Variants in LINGO2 observed in about 807,000 individuals in gnomAD.
LINGO2 encodes leucine rich repeat and Ig domain containing 2, also known as leucine-rich repeat and immunoglobulin-like domain-containing nogo receptor-interacting protein 2.
Under a neutral mutation model 30.6 loss-of-function variants are expected in LINGO2, and 14 were observed. The ratio of observed to expected loss-of-function variants is 0.46; its 90% CI spans 0.30 to 0.72. The LOEUF (loss-of-function observed/expected upper bound fraction) is 0.72, where lower values mean the gene tolerates loss of function less well. Ranked by LOEUF, LINGO2 falls within the 30% of genes least tolerant of loss-of-function variation. The pLI is 0.07. For synonymous variants in LINGO2, 317 were observed against 288.5 expected (o/e 1.10, Z -1.00); for missense variants, 729 against 751.7 (o/e 0.97, Z 0.35).
the LINGO2 span, among the ~76,000 whole-genome samples, chr9:29,193,944 C>T: frequency 6.6e-6 from 1 of 152,128 alleles, no homozygotes; most frequent in Non-Finnish European, 1.5e-5. Flanking sequence ...CTAGGCTACC[C>T]CTCAAATCAC....
At chr9:28,750,656 CTGTT>C in the LINGO2 span, among the ~76,000 whole-genome samples, 4 of 151,946 alleles carry the variant, frequency 2.6e-5, no homozygotes, top group Non-Finnish European at 4.4e-5. Context: ...TTGTGTCTAA[CTGTT>C]TATATACTCT....
the LINGO2 span, among the ~76,000 whole-genome samples, chr9:29,112,449 T>C: frequency 6.6e-6 from 1 of 152,122 alleles, no homozygotes; most frequent in African/African-American, 2.4e-5. Context: ...CCATGAATAA[T>C]AAATGAAGAA....
chr9:28,637,221 G>A (rs1827324377), intron 1 of LINGO2, among the ~76,000 whole-genome samples: 1 of 152,118 alleles, frequency 6.6e-6, no homozygotes, highest in South Asian at 2.1e-4. Context: ...TTTGGTTACT[G>A]TAGCCTTGTA....
rs954626434 is a variant in LINGO2, at chr9:28,130,567, C to T, written c.-86-118162G>A. 1.3e-5 allele frequency among the ~76,000 whole-genome samples: 2 copies of T among 152,060 alleles called. No homozygotes were observed. The highest frequency in any genetic ancestry group is 4.8e-5 in the African/African-American group (2 of 41,396). ...CTATGTCAAGGAGTTTACAATATAG[C>T]TGGAGAAACAGAACACCTACATGTA... On this transcript the variant is annotated intron_variant, in intron 4 of 5. Transcript: ENST00000379992. The surrounding 1 kb of genome is among the most constrained non-coding windows in gnomAD (Gnocchi z 5.2).
In LINGO2 at chr9:28,148,738, C is replaced by T. The variant is rs1827891069; in HGVS notation, c.-86-136333G>A. The T allele has an allele frequency of 6.5e-7, 1 of 1,534,018 alleles. No homozygotes were observed. Among genetic ancestry groups the T allele is most frequent in the Non-Finnish European group, 8.7e-7 (1 of 1,146,466 alleles). ...ACAGCCCTGCTGGAGGCATCCTTCC[C>T]TTTGGGAAGCCTGACCCACTTCCAA... On this transcript the variant is annotated intron_variant, in intron 4 of 5. Coordinates refer to ENST00000379992, the Ensembl canonical transcript of LINGO2. This position sits in a 1 kb window ranked among gnomAD's most constrained non-coding sequence, Gnocchi z 5.1.
the LINGO2 span, among the ~76,000 whole-genome samples, chr9:29,171,465 T>C: frequency 6.6e-6 from 1 of 152,064 alleles, no homozygotes; most frequent in East Asian, 1.9e-4. Flanking sequence ...GGCATCTTGG[T>C]ATTTGGATTT....
chr9:28,868,407 ATG>A, the LINGO2 span, among the ~76,000 whole-genome samples: 1 of 151,924 alleles, frequency 6.6e-6, no homozygotes, highest in African/African-American at 2.4e-5. Flanking sequence ...GTGAGTGAGC[ATG>A]TGTGTGTGTC....
intron 3 of LINGO2, among the ~76,000 whole-genome samples, chr9:28,343,089 C>A (rs963184321): frequency 4.6e-5 from 7 of 152,146 alleles, no homozygotes; most frequent in African/African-American, 1.7e-4. Flanking sequence ...TGACAATCAC[C>A]TTTCATAGTA....
chr9:28,285,152 T>C (rs756170380), intron 4 of LINGO2, among the ~76,000 whole-genome samples: 12 of 152,198 alleles, frequency 7.9e-5, no homozygotes, highest in Non-Finnish European at 1.5e-4. Flanking sequence ...CAAAATATTG[T>C]GACATTTGGC....
chr9:28,073,203 C>T (rs1825531046), intron 4 of LINGO2, among the ~76,000 whole-genome samples: 1 of 151,976 alleles, frequency 6.6e-6, no homozygotes. Context: ...GAAGGGCGCG[C>T]CAAAGTCCAA....
chr9:28,317,373 G>A, intron 3 of LINGO2, among the ~76,000 whole-genome samples: 1 of 152,106 alleles, frequency 6.6e-6, no homozygotes, highest in East Asian at 1.9e-4. Context: ...TCAAACAAAT[G>A]TCTTAAAAAG....
the LINGO2 span, among the ~76,000 whole-genome samples, chr9:28,904,846 T>C: frequency 9.9e-5 from 15 of 152,086 alleles, no homozygotes; most frequent in East Asian, 2.5e-3. Flanking sequence ...AATACTAAAA[T>C]TTGTATGATA....
At chr9:29,202,758 CTTTTAG>C in the LINGO2 span, among the ~76,000 whole-genome samples, 1 of 151,960 alleles carries the variant, frequency 6.6e-6, no homozygotes, top group Non-Finnish European at 1.5e-5. Flanking sequence ...GCTAGTAATA[CTTTTAG>C]TTTTAATCTC....
At chr9:28,830,383 T>G in the LINGO2 span, among the ~76,000 whole-genome samples, 2 of 152,026 alleles carry the variant, frequency 1.3e-5, no homozygotes, top group African/African-American at 4.8e-5. Flanking sequence ...GTCCACAGAT[T>G]GGGGATTGCT....
At chr9:28,340,369 C>T (rs1319010334) in intron 3 of LINGO2, among the ~76,000 whole-genome samples, 1 of 152,050 alleles carries the variant, frequency 6.6e-6, no homozygotes, top group Non-Finnish European at 1.5e-5. Context: ...CACAGTGAAA[C>T]ATATATGTGT....
the LINGO2 span, among the ~76,000 whole-genome samples, chr9:28,807,391 C>A: frequency 1.3e-5 from 2 of 152,152 alleles, no homozygotes; most frequent in African/African-American, 4.8e-5. Flanking sequence ...AATCTGCTTT[C>A]TTCTCTCTGA....
the LINGO2 span, among the ~76,000 whole-genome samples, chr9:28,944,597 G>C: frequency 2.6e-4 from 39 of 151,986 alleles, no homozygotes; most frequent in African/African-American, 9.2e-4. Context: ...GTAGAGACAG[G>C]GTTTCACCAT....
At chr9:28,362,523 T>C (rs1324422163) in intron 3 of LINGO2, among the ~76,000 whole-genome samples, 2 of 151,752 alleles carry the variant, frequency 1.3e-5, no homozygotes, top group Non-Finnish European at 2.9e-5. Context: ...CAGGCTGGAG[T>C]GCAATGGCGT....
chr9:29,049,731 T>C, the LINGO2 span, among the ~76,000 whole-genome samples: 3 of 152,118 alleles, frequency 2.0e-5, no homozygotes, highest in Non-Finnish European at 2.9e-5. Context: ...ATTTTATTTG[T>C]GGTATTTAAA....
Sources: allele counts gnomAD v4.1 joint callset (sites outside exome capture counted in the v4.1 genomes callset), GRCh38; gene constraint gnomAD v4.1.1; non-coding constraint Gnocchi (gnomAD v3.1); transcripts MANE v1.5; gene names NCBI Gene and HGNC (gene_info 2026-07-23, HGNC 2026-07-21).